Variants in SACS observed in about 807,000 individuals in gnomAD.
The protein encoded by SACS is sacsin.
SACS carries 197 observed loss-of-function variants against 348.0 expected under a neutral mutation model. The observed-to-expected ratio is 0.57, with a 90% CI of 0.50 to 0.64. The LOEUF is 0.64. Among genes scored for constraint, SACS ranks in the 30% least tolerant of loss-of-function variants. The probability of loss-of-function intolerance (pLI) is 0.00; values close to 1 mark genes in which losing one functional copy is unlikely to be tolerated. For missense variants in SACS, 4,999 were observed against 5,360.8 expected (o/e 0.93, Z 2.11); for synonymous variants, 1,985 against 1,910.6 (o/e 1.04, Z -1.02).
At chr13:23,382,878 C>G (rs1208125388) in intron 2 of SACS, among the ~76,000 whole-genome samples, 1 of 147,520 alleles carries the variant, frequency 6.8e-6, no homozygotes, top group African/African-American at 2.5e-5. Context: ...AACTCCTGGG[C>G]TGAAGAGATC....
chr13:23,360,137 G>A (rs1040616842), intron 6 of SACS, among the ~76,000 whole-genome samples: 4 of 152,056 alleles, frequency 2.6e-5, no homozygotes, highest in Non-Finnish European at 4.4e-5. Flanking sequence ...GGGACCCAAT[G>A]AGACAGCACA....
chr13:23,356,600 C>T (rs768597643), intron 7 of SACS, among the ~76,000 whole-genome samples: 4 of 152,224 alleles, frequency 2.6e-5, no homozygotes, highest in Non-Finnish European at 5.9e-5. Flanking sequence ...TATAACATGG[C>T]CTCTAAATTG....
Position 23,334,161 on chromosome 13 carries a change from CA to C in SACS, c.9714del (p.Phe3238LeufsTer18). Reference sequence around the variant, plus strand: ...GCATTCTTAAGCCAAGACTCACTTGCAAAATTGTCTTTCCACTTTGTGCAAC... The same window carrying C: ...GCATTCTTAAGCCAAGACTCACTTGCAAATTGTCTTTCCACTTTGTGCAAC... ...TKSCTKWKDNFASESWLKNAW... is the reference protein window; with the variant it reads ...TKSCTKWKDNXASESWLKNAW... On this transcript the variant is annotated frameshift_variant, in exon 10 of 10. Transcript: ENST00000382292. LOFTEE classifies it high-confidence loss of function. 6.2e-7 allele frequency: 1 copy of C among 1,613,892 alleles called. No individual in the cohort carries two copies. Among genetic ancestry groups the C allele is most frequent in the Non-Finnish European group, 8.5e-7 (1 of 1,179,826 alleles).
chr13:23,387,922 G>A (rs1872361539), intron 2 of SACS, among the ~76,000 whole-genome samples: 1 of 152,110 alleles, frequency 6.6e-6, no homozygotes, highest in South Asian at 2.1e-4. Context: ...AGCCAGAAAG[G>A]CCATTATTAA....
chr13:23,412,407 CTTTTT>C (rs372385214), intron 1 of SACS, among the ~76,000 whole-genome samples: 79 of 120,500 alleles, frequency 6.6e-4, no homozygotes, highest in South Asian at 2.6e-3. Flanking sequence ...AATCCAAACC[CTTTTT>C]TTTTTTTTTT....
chr13:23,400,632 G>A (rs1593173640), intron 2 of SACS, among the ~76,000 whole-genome samples: 1 of 152,280 alleles, frequency 6.6e-6, no homozygotes, highest in African/African-American at 2.4e-5. Context: ...GTGTTAGCCA[G>A]GATGGTCTCG....
rs371869943 is a variant in SACS, at chr13:23,340,880, A to G, written c.2996T>C (p.Ile999Thr). 204 of 1,610,534 alleles carry G rather than the reference A, an allele frequency of 1.3e-4. No individual in the cohort carries two copies. Among genetic ancestry groups the G allele is most frequent in the Non-Finnish European group, 1.6e-4 (190 of 1,177,478 alleles). ...TSCLKLVLKD[I>T]ENAFYSHEEV... ...TTCATGTGAATAAAATGCATTTTCAATATCTTTTAAAACAAGCTTTAAGCA... is the reference window on the plus strand; with the variant it reads ...TTCATGTGAATAAAATGCATTTTCAGTATCTTTTAAAACAAGCTTTAAGCA... The change falls in exon 10 of 10, where the codon ATT (isoleucine) becomes ACT (threonine). Residue 999 changes from isoleucine (I) to threonine (T), a missense_variant. Transcript: ENST00000382292.
Position 23,337,888 on chromosome 13 carries a change from G to A in SACS, c.5988C>T (p.Asp1996=). The A allele has an allele frequency of 6.2e-7, 1 of 1,613,794 alleles. No homozygotes were observed. The highest frequency in any genetic ancestry group is 8.5e-7 in the Non-Finnish European group (1 of 1,179,904). The part of the protein sequence containing the change: ...VSMKNVRFLD[D]SILKRRDVGS... ...CAACATCTCTTCTTTTAAGTATAGA[G>A]TCATCTAGAAATCTTACGTTCTTCA... The change falls in exon 10 of 10, where the codon GAC becomes GAT. Residue 1996 remains aspartate, a synonymous_variant. Transcript: ENST00000382292.
intron 2 of SACS, chr13:23,375,531 G>C: frequency 9.2e-7 from 1 of 1,086,184 alleles, no homozygotes; most frequent in African/African-American, 1.7e-5. Flanking sequence ...AAGCCGCGGC[G>C]GCCGAGGAGC....
intron 1 of SACS, chr13:23,428,950 A>G (rs1253032687): frequency 1.3e-5 from 2 of 152,216 alleles, no homozygotes; most frequent in Admixed American, 6.5e-5. Flanking sequence ...TAGCTTGTCA[A>G]CTGGCAGAGC....
chr13:23,421,866 G>T (rs1873961385), intron 1 of SACS, among the ~76,000 whole-genome samples: 1 of 152,008 alleles, frequency 6.6e-6, no homozygotes, highest in African/African-American at 2.4e-5. Flanking sequence ...GTATTTACCT[G>T]GGGCCTGGAC....
intron 2 of SACS, among the ~76,000 whole-genome samples, chr13:23,396,982 TA>T (rs1872734265): frequency 6.7e-6 from 1 of 149,650 alleles, no homozygotes; most frequent in African/African-American, 2.4e-5. Context: ...TTATATGGTC[TA>T]GGGGGCCTAT....
intron 2 of SACS, among the ~76,000 whole-genome samples, chr13:23,410,551 T>C (rs571901332): frequency 1.3e-5 from 2 of 152,334 alleles, no homozygotes; most frequent in East Asian, 3.9e-4. Flanking sequence ...CTGATCTCTA[T>C]GGCACTAAAA....
chr13:23,391,903 C>A (rs1566099134), intron 2 of SACS, among the ~76,000 whole-genome samples: 1 of 152,204 alleles, frequency 6.6e-6, no homozygotes, highest in Non-Finnish European at 1.5e-5. Flanking sequence ...CCTTCATGTG[C>A]ACATGGAACA....
chr13:23,398,771 CA>C (rs1872819850), intron 2 of SACS, among the ~76,000 whole-genome samples: 1 of 151,916 alleles, frequency 6.6e-6, no homozygotes, highest in South Asian at 2.1e-4. Flanking sequence ...TCTTAGATAA[CA>C]GACTTCAGAG....
intron 1 of SACS, among the ~76,000 whole-genome samples, chr13:23,412,232 C>T (rs138298562): frequency 2.0e-3 from 308 of 152,054 alleles, no homozygotes; most frequent in African/African-American, 7.1e-3. Context: ...GCACTCCCCG[C>T]GCCTGGGCAA....
chr13:23,406,586 A>G (rs988830564), intron 2 of SACS, among the ~76,000 whole-genome samples: 1 of 152,200 alleles, frequency 6.6e-6, no homozygotes, highest in African/African-American at 2.4e-5. Context: ...ATAACTGCCA[A>G]TTCCACATAA....
chr13:23,340,313 T>A lies in SACS; in HGVS notation c.3563A>T (p.Asp1188Val), dbSNP rs1253030131. 1 of 1,613,940 alleles carries A rather than the reference T, an allele frequency of 6.2e-7. No individual in the cohort carries two copies. Among genetic ancestry groups the A allele is most frequent in the Non-Finnish European group, 8.5e-7 (1 of 1,179,984 alleles). Reference protein sequence around the residue: ...CNLCAPPDMCDVGHAILIGSS... With the variant: ...CNLCAPPDMCVVGHAILIGSS... ...GCCAATGAGAATTGCATGGCCTACA[T>A]CACACATATCTGGTGGTGCACAGAG... Residue 1188 changes from aspartate (D) to valine (V), a missense_variant, in exon 10 of 10, where the codon GAT (aspartate) becomes GTT (valine). Physicochemically the swap from Asp to Val is radical, Grantham distance 152. Coordinates refer to ENST00000382292, the MANE Select transcript of SACS (RefSeq NM_014363.6).
chr13:23,333,698 CAG>C lies in SACS; in HGVS notation c.10176_10177del (p.Asn3392LysfsTer11), dbSNP rs1488592225. ...TTGGGACATCAAATGATTCAAATTGCAGTTGAAATACATCAAAAGTGCCTCAA... is the reference window on the plus strand; with the variant it reads ...TTGGGACATCAAATGATTCAAATTGCTTGAAATACATCAAAAGTGCCTCAA... On this transcript the variant is annotated frameshift_variant, in exon 10 of 10. Coordinates refer to ENST00000382292, the MANE Select transcript of SACS (RefSeq NM_014363.6). LOFTEE classifies it high-confidence loss of function. 2 of 1,613,606 alleles carry C rather than the reference CAG, an allele frequency of 1.2e-6. No individual in the cohort carries two copies. Among genetic ancestry groups the C allele is most frequent in the Non-Finnish European group, 1.7e-6 (2 of 1,179,644 alleles).
Sources: allele counts gnomAD v4.1 joint callset (sites outside exome capture counted in the v4.1 genomes callset), GRCh38; gene constraint gnomAD v4.1.1; transcripts MANE v1.5; gene names NCBI Gene and HGNC (gene_info 2026-07-23, HGNC 2026-07-21).